AGBL4: variants seen among roughly 807,000 people sequenced by gnomAD.
AGBL4 encodes AGBL carboxypeptidase 4, also known as cytosolic carboxypeptidase 6.
Under a neutral mutation model 66.4 loss-of-function variants are expected in AGBL4, and 58 were observed. The ratio of observed to expected loss-of-function variants is 0.87; its 90% CI spans 0.71 to 1.09. AGBL4 has a LOEUF of 1.09. AGBL4 is among the 50% of genes least tolerant of loss of function. AGBL4 has a pLI of 0.00. For missense variants in AGBL4, 579 were observed against 631.0 expected (o/e 0.92, Z 0.88); for synonymous variants, 234 against 222.9 (o/e 1.05, Z -0.44).
chr1:49,648,419 A>G (rs1645934729), intron 3 of AGBL4, among the ~76,000 whole-genome samples: 2 of 152,096 alleles, frequency 1.3e-5, no homozygotes, highest in African/African-American at 2.4e-5. Flanking sequence ...AATACTAGAA[A>G]AAAGACAGAA....
chr1:48,735,001 T>C (rs1648791613), intron 6 of AGBL4, among the ~76,000 whole-genome samples: 1 of 152,244 alleles, frequency 6.6e-6, no homozygotes, highest in African/African-American at 2.4e-5. Context: ...ACTAGCTGTA[T>C]AACCTGGTCA....
chr1:48,597,573 C>A (rs890230868), intron 9 of AGBL4, among the ~76,000 whole-genome samples: 4 of 151,666 alleles, frequency 2.6e-5, no homozygotes, highest in Non-Finnish European at 5.9e-5. Flanking sequence ...GTGGCATGCA[C>A]CTGTCAAGCA....
chr1:48,864,990 T>A (rs1296942316), intron 6 of AGBL4, among the ~76,000 whole-genome samples: 2 of 151,908 alleles, frequency 1.3e-5, no homozygotes, highest in Non-Finnish European at 2.9e-5. Context: ...TTAAAGAAGG[T>A]ATCAAGCAGA....
At chr1:49,883,428 A>G (rs1338961349) in intron 1 of AGBL4, among the ~76,000 whole-genome samples, 1 of 152,088 alleles carries the variant, frequency 6.6e-6, no homozygotes, top group Non-Finnish European at 1.5e-5. Context: ...AACATTGTTT[A>G]TACCTTTCTT....
At chr1:49,430,572 C>G (rs1645763716) in intron 3 of AGBL4, among the ~76,000 whole-genome samples, 1 of 152,174 alleles carries the variant, frequency 6.6e-6, no homozygotes, top group Non-Finnish European at 1.5e-5. Context: ...GACACCATCT[C>G]AAACTCTGAA....
At chr1:49,273,414 T>C (rs1202010677) in intron 3 of AGBL4, among the ~76,000 whole-genome samples, 1 of 150,916 alleles carries the variant, frequency 6.6e-6, no homozygotes, top group Non-Finnish European at 1.5e-5. Flanking sequence ...AAAAAATAAT[T>C]TTGTCTAGTT....
chr1:50,010,789 C>G (rs760893315), intron 1 of AGBL4, among the ~76,000 whole-genome samples: 3 of 152,178 alleles, frequency 2.0e-5, no homozygotes, highest in Admixed American at 6.5e-5. Flanking sequence ...AACTAGACCT[C>G]TATCTCTTGC....
At chr1:49,530,929 T>C (rs565153491) in intron 3 of AGBL4, among the ~76,000 whole-genome samples, 4 of 152,154 alleles carry the variant, frequency 2.6e-5, no homozygotes, top group East Asian at 3.9e-4. Context: ...ATCTATAAAA[T>C]AGGGGAAATA....
chr1:48,733,632 A>G (rs1230070892), intron 6 of AGBL4, among the ~76,000 whole-genome samples: 1 of 152,230 alleles, frequency 6.6e-6, no homozygotes, highest in Non-Finnish European at 1.5e-5. Context: ...AGCCACATGC[A>G]TGGCTGAGGT....
In AGBL4 at chr1:49,193,779, C is replaced by T. The variant is rs546261130; in HGVS notation, c.377+51991G>A. Among the ~76,000 whole-genome samples, 10 of 152,132 alleles carry T rather than the reference C, an allele frequency of 6.6e-5. No individual in the cohort carries two copies. In the East Asian group the frequency reaches 1.5e-3, roughly 24 times the overall value. ...CAATCTCCTGACCTCGTGATCTGCC[C>T]GCCTTGGCCTCCCCAAGTCCTGGGA... On this transcript the variant is annotated intron_variant, in intron 4 of 13. Coordinates refer to ENST00000371839, the MANE Select transcript of AGBL4 (RefSeq NM_032785.4).
chr1:48,757,724 T>C (rs1644016536), intron 6 of AGBL4, among the ~76,000 whole-genome samples: 2 of 152,172 alleles, frequency 1.3e-5, no homozygotes, highest in African/African-American at 2.4e-5. Context: ...TAAGAATAAA[T>C]CAAAGAAGAA....
At chr1:49,134,472 A>T (rs1569762833) in intron 4 of AGBL4, among the ~76,000 whole-genome samples, 1 of 18,928 alleles carries the variant, frequency 5.3e-5, no homozygotes, top group Non-Finnish European at 1.1e-4. Context: ...GCCATTTTGG[A>T]GGGCCCCCCC....
At chr1:49,952,152 C>G (rs972195512) in intron 1 of AGBL4, among the ~76,000 whole-genome samples, 1 of 151,626 alleles carries the variant, frequency 6.6e-6, no homozygotes, top group Non-Finnish European at 1.5e-5. Flanking sequence ...GATTAAAATG[C>G]TAAAAATAAA....
rs559725643 is a variant in AGBL4, at chr1:48,596,762, T to C, written c.952-5777A>G. Among the ~76,000 whole-genome samples the C allele has an allele frequency of 3.9e-5, 6 of 152,228 alleles. No individual in the cohort carries two copies. In the South Asian group the frequency reaches 1.2e-3, roughly 32 times the overall value. ...GCCCAGCCCATAGCATATACATATATATATTTCTGAAGTGGCACAGTGAAG... is the reference window on the plus strand; with the variant it reads ...GCCCAGCCCATAGCATATACATATACATATTTCTGAAGTGGCACAGTGAAG... On this transcript the variant is annotated intron_variant, in intron 9 of 13. Coordinates refer to ENST00000371839, the MANE Select transcript of AGBL4 (RefSeq NM_032785.4).
chr1:49,836,984 A>G (rs1032153612), intron 2 of AGBL4, among the ~76,000 whole-genome samples: 4 of 152,170 alleles, frequency 2.6e-5, no homozygotes, highest in Non-Finnish European at 4.4e-5. Context: ...CCAGATGCCA[A>G]ACGGAGCTCT....
intron 3 of AGBL4, among the ~76,000 whole-genome samples, chr1:49,579,291 A>G (rs146516594): frequency 6.6e-6 from 1 of 152,258 alleles, no homozygotes; most frequent in East Asian, 1.9e-4. Context: ...TAATACAAAT[A>G]TGCTCTCTTT....
chr1:49,647,973 A>G (rs905155202), intron 3 of AGBL4, among the ~76,000 whole-genome samples: 2 of 152,152 alleles, frequency 1.3e-5, no homozygotes, highest in South Asian at 2.1e-4. Flanking sequence ...TGCCCAGTAC[A>G]TCATGTCCAG....
At chr1:48,594,954 G>A (rs1001198572) in intron 9 of AGBL4, among the ~76,000 whole-genome samples, 16 of 152,030 alleles carry the variant, frequency 1.1e-4, no homozygotes, top group African/African-American at 3.6e-4. Context: ...CTATATCCTC[G>A]ACTCAACACT....
intron 3 of AGBL4, among the ~76,000 whole-genome samples, chr1:49,597,250 T>A (rs991657056): frequency 2.0e-4 from 30 of 152,208 alleles, no homozygotes; most frequent in African/African-American, 7.0e-4. Context: ...ATTACAGATA[T>A]GCTGGACAAA....
Sources: gnomAD v4.1 joint callset for allele counts (sites outside exome capture counted in the v4.1 genomes callset) on GRCh38, gnomAD v4.1.1 for gene constraint, MANE v1.5 for transcripts, NCBI Gene and HGNC (gene_info 2026-07-23, HGNC 2026-07-21) for gene names.